Variants in PCOLCE2 observed in about 807,000 individuals in gnomAD.
The protein encoded by PCOLCE2 is procollagen C-endopeptidase enhancer 2.
PCOLCE2 carries 42 observed loss-of-function variants against 47.0 expected under a neutral mutation model. The observed-to-expected ratio is 0.89, with a 90% confidence interval of 0.70 to 1.16. The LOEUF is 1.16. PCOLCE2 is among the 50% of genes most tolerant of loss of function. The pLI, the probability that PCOLCE2 is intolerant of heterozygous loss-of-function variation, is 0.00. For missense variants in PCOLCE2, 500 were observed against 526.1 expected (o/e 0.95, Z 0.49); for synonymous variants, 169 against 191.7 (o/e 0.88, Z 0.98).
chr3:142,860,446 GTTGTT>G (rs1270048978), intron 2 of PCOLCE2, among the ~76,000 whole-genome samples: 1 of 151,496 alleles, frequency 6.6e-6, no homozygotes, highest in Non-Finnish European at 1.5e-5. Context: ...TGTTGTTGTT[GTTGTT>G]TTGTTTGATT....
chr3:142,842,563 C>T lies in PCOLCE2; in HGVS notation c.573+361G>A, dbSNP rs1257038090. Among the ~76,000 whole-genome samples, 5 of 151,946 alleles carry T rather than the reference C, an allele frequency of 3.3e-5. No homozygotes were observed. The highest frequency in any genetic ancestry group is 4.8e-5 in the African/African-American group (2 of 41,344). On this transcript the variant is annotated intron_variant, in intron 4 of 8. Coordinates refer to ENST00000295992, the MANE Select transcript of PCOLCE2 (RefSeq NM_013363.4). This position sits in a 1 kb window ranked among gnomAD's most constrained non-coding sequence, Gnocchi z 4.1. ...GACCAGCCTGACCAACATGGAGAAA[C>T]TCTGTCTCTACTAAAAAAATACAAA...
intron 2 of PCOLCE2, among the ~76,000 whole-genome samples, chr3:142,862,549 C>A (rs545657901): frequency 6.6e-6 from 1 of 152,304 alleles, no homozygotes; most frequent in South Asian, 2.1e-4. Context: ...TGCTTAAATA[C>A]ATAAATAAAT....
rs1936969514 is a variant in PCOLCE2, at chr3:142,817,961, A to T, written c.*374T>A. On this transcript the variant is annotated 3_prime_UTR_variant, in exon 9 of 9. Transcript: ENST00000295992. The stretch of plus-strand genomic sequence containing the variant: ...AGGGCAAAGGCTTGAAGGTGAAACA[A>T]ATAACACTATAAATATTGCACTTCT... The T allele has an allele frequency of 1.2e-5, 2 of 165,642 alleles. No individual in the cohort carries two copies. The highest frequency in any genetic ancestry group is 3.1e-4 in the South Asian group (2 of 6,356). The allele number at this position is 165,642 out of a possible 1,614,324, so 10.3% of individuals were successfully genotyped here.
chr3:142,835,814 T>G (rs1937196983), intron 5 of PCOLCE2, among the ~76,000 whole-genome samples: 1 of 152,072 alleles, frequency 6.6e-6, no homozygotes. Context: ...GTTAATTTTT[T>G]TAAAAAAATT....
chr3:142,869,256 G>T (rs1273698658), intron 2 of PCOLCE2, among the ~76,000 whole-genome samples: 1 of 151,302 alleles, frequency 6.6e-6, no homozygotes, highest in Admixed American at 6.6e-5. Context: ...GCGCCACTAC[G>T]CTCCAGCCTG....
Position 142,818,338 on chromosome 3 carries a change from A to T in PCOLCE2, c.1245T>A (p.Cys415Ter). 6.2e-7 allele frequency: 1 copy of T among 1,613,518 alleles called. No homozygotes were observed. Among genetic ancestry groups the T allele is most frequent in the Non-Finnish European group, 8.5e-7 (1 of 1,179,544 alleles). Residue 415 changes from cysteine (C) to a stop codon, truncating the protein, a stop_gained, in exon 9 of 9, where the codon TGT (cysteine) becomes TGA (stop). Transcript: ENST00000295992. LOFTEE classifies it high-confidence loss of function. ...KLLDALKNKQC is the reference protein window; with the variant it reads ...KLLDALKNKQ ...CTTAAATGGACACAGTTCACTGTTAACATTGCTTATTTTTTAAGGCATCCA... is the reference window on the plus strand; with the variant it reads ...CTTAAATGGACACAGTTCACTGTTATCATTGCTTATTTTTTAAGGCATCCA...
intron 8 of PCOLCE2, among the ~76,000 whole-genome samples, 155 bp downstream of exon 8, chr3:142,820,723 G>A (rs1270583489): frequency 6.6e-6 from 1 of 152,138 alleles, no homozygotes; most frequent in Non-Finnish European, 1.5e-5. Flanking sequence ...AAGTTACAAG[G>A]ACTTGGATGA....
chr3:142,847,977 T>C (rs1937345206), intron 3 of PCOLCE2, among the ~76,000 whole-genome samples: 1 of 152,256 alleles, frequency 6.6e-6, no homozygotes, highest in Admixed American at 6.5e-5. Context: ...CATATTTGCA[T>C]GTGTGCTTAT....
intron 1 of PCOLCE2, among the ~76,000 whole-genome samples, chr3:142,888,382 C>T (rs1933753185): frequency 6.6e-6 from 1 of 152,150 alleles, no homozygotes; most frequent in African/African-American, 2.4e-5. Flanking sequence ...GAGCGGCTCC[C>T]TAGGCGCCGC....
chr3:142,821,770 C>A (rs1351384253), intron 7 of PCOLCE2, among the ~76,000 whole-genome samples: 4 of 151,292 alleles, frequency 2.6e-5, no homozygotes, highest in African/African-American at 9.7e-5. Flanking sequence ...TTTTTTCCAT[C>A]ATGACACTCC....
intron 4 of PCOLCE2, among the ~76,000 whole-genome samples, chr3:142,839,904 T>C (rs1937247314): frequency 6.6e-6 from 1 of 152,218 alleles, no homozygotes; most frequent in Non-Finnish European, 1.5e-5. Context: ...CATACCTTAA[T>C]AGAAGCTAAT....
intron 6 of PCOLCE2, chr3:142,827,049 C>T (rs1296261061): frequency 4.0e-6 from 4 of 1,008,454 alleles, no homozygotes; most frequent in Non-Finnish European, 6.1e-6. Flanking sequence ...ATTGATGACT[C>T]TTACTTTTTT....
Position 142,821,021 on chromosome 3 carries a change from G to A in PCOLCE2, c.974C>T (p.Thr325Ile). The A allele has an allele frequency of 1.2e-6, 2 of 1,611,970 alleles. No homozygotes were observed. The highest frequency in any genetic ancestry group is 1.7e-6 in the Non-Finnish European group (2 of 1,178,184). Residue 325 changes from threonine (T) to isoleucine (I), a missense_variant, in exon 8 of 9, where the codon ACC (threonine) becomes ATC (isoleucine). Transcript: ENST00000295992. The stretch of plus-strand genomic sequence containing the variant: ...GTGCAAACTCCCATCGCGAGTGATG[G>A]TTGTGATAACAGTGCCGGCTAATAC... ...DFVLAGTVIT[T>I]ITRDGSLHAT...
At position 142,838,962 on chromosome 3, in the gene PCOLCE2, C is replaced by T. The variant is rs1481206028; in HGVS notation, c.574-56G>A. ...TATTAATAGCATTGTTGAATAACCT[C>T]AAATGGAATTCTTCCTCTCCCCAGA... On this transcript the variant is annotated intron_variant, in intron 4 of 8. Coordinates refer to ENST00000295992, the MANE Select transcript of PCOLCE2 (RefSeq NM_013363.4). 3 of 1,366,080 alleles carry T rather than the reference C, an allele frequency of 2.2e-6. No individual in the cohort carries two copies. The East Asian group carries it at 7.1e-5, about 32-fold the overall frequency. The allele number at this position is 1,366,080 out of a possible 1,614,324, so 84.6% of individuals were successfully genotyped here.
intron 5 of PCOLCE2, among the ~76,000 whole-genome samples, chr3:142,835,705 C>T (rs1198003979): frequency 6.6e-6 from 1 of 152,152 alleles, no homozygotes; most frequent in African/African-American, 2.4e-5. Flanking sequence ...TGCAGTGGCA[C>T]GATTATAGCT....
chr3:142,867,782 C>A (rs1340891437), intron 2 of PCOLCE2, among the ~76,000 whole-genome samples: 1 of 152,096 alleles, frequency 6.6e-6, no homozygotes, highest in Non-Finnish European at 1.5e-5. Context: ...AAATGGTTAA[C>A]CCCTTTGGAA....
intron 2 of PCOLCE2, among the ~76,000 whole-genome samples, chr3:142,857,659 T>A (rs989606874): frequency 2.0e-5 from 3 of 152,238 alleles, no homozygotes; most frequent in African/African-American, 7.2e-5. Context: ...ACATCAGAAC[T>A]GTCCAGGACA....
intron 2 of PCOLCE2, among the ~76,000 whole-genome samples, chr3:142,859,078 T>C (rs544922321): frequency 6.6e-6 from 1 of 152,026 alleles, no homozygotes; most frequent in South Asian, 2.1e-4. Flanking sequence ...TTTTTTTTTT[T>C]TAGAGACAGA....
At chr3:142,881,282 G>T (rs1295742216) in intron 2 of PCOLCE2, among the ~76,000 whole-genome samples, 1 of 152,142 alleles carries the variant, frequency 6.6e-6, no homozygotes, top group Non-Finnish European at 1.5e-5. Flanking sequence ...TAAGACACAA[G>T]TTCTTTAGAC....
Sources: allele counts gnomAD v4.1 joint callset (sites outside exome capture counted in the v4.1 genomes callset), GRCh38; gene constraint gnomAD v4.1.1; non-coding constraint Gnocchi (gnomAD v3.1); transcripts MANE v1.5; gene names NCBI Gene and HGNC (gene_info 2026-07-23, HGNC 2026-07-21).